The following LZTFL1 variants were observed in gnomAD, a reference collection of about 807,000 sequenced individuals.
LZTFL1 encodes the protein leucine zipper transcription factor-like protein 1.
Under a neutral mutation model 45.9 loss-of-function variants are expected in LZTFL1, and 25 were observed. The observed-to-expected ratio is 0.54, with a 90% confidence interval of 0.40 to 0.76. LZTFL1 has a LOEUF of 0.76. Among genes scored for constraint, LZTFL1 ranks in the 30% least tolerant of loss-of-function variants. The probability of loss-of-function intolerance (pLI) is 0.00; values close to 1 mark genes in which losing one functional copy is unlikely to be tolerated. For synonymous variants in LZTFL1, 93 were observed against 117.4 expected, an observed-to-expected ratio of 0.79 and a Z score of 1.35; for missense variants, 277 against 331.1, an observed-to-expected ratio of 0.84 and a Z score of 1.27.
intron 2 of LZTFL1, among the ~76,000 whole-genome samples, chr3:45,886,833 C>T (rs542889492): frequency 6.6e-6 from 1 of 152,278 alleles, no homozygotes; most frequent in East Asian, 1.9e-4. Flanking sequence ...ATGCCCAACC[C>T]AGGTTTCTTG....
intron 2 of LZTFL1, among the ~76,000 whole-genome samples, chr3:45,899,167 AAAAC>A (rs1297600634): frequency 6.6e-6 from 1 of 152,254 alleles, no homozygotes; most frequent in Non-Finnish European, 1.5e-5. Flanking sequence ...ACTCCGTCTC[AAAAC>A]AAACAAACAA....
At chr3:45,832,888 G>T (rs1010809780) in intron 5 of LZTFL1, 162 bp downstream of exon 5, 16 of 580,784 alleles carry the variant, frequency 2.8e-5, no homozygotes, top group Non-Finnish European at 4.6e-5. Context: ...AGAAGGTTAA[G>T]TATGCCCTCT....
intron 9 of LZTFL1, 39 bp downstream of exon 9, chr3:45,827,317 C>G (rs559190462): frequency 5.7e-6 from 8 of 1,412,456 alleles, no homozygotes; most frequent in South Asian, 1.2e-5. Context: ...AACATCAATC[C>G]AGAGAGAGAA....
chr3:45,872,331 A>C (rs1490628093), intron 2 of LZTFL1, among the ~76,000 whole-genome samples: 2 of 152,076 alleles, frequency 1.3e-5, no homozygotes, highest in Non-Finnish European at 2.9e-5. Flanking sequence ...ACACCCATTT[A>C]AGCTTTTGTT....
chr3:45,905,987 A>C (rs1337960190), intron 2 of LZTFL1, among the ~76,000 whole-genome samples: 1 of 152,182 alleles, frequency 6.6e-6, no homozygotes, highest in Non-Finnish European at 1.5e-5. Context: ...CTCTCTGCCC[A>C]ATCATGCTTC....
intron 2 of LZTFL1, among the ~76,000 whole-genome samples, chr3:45,888,212 T>C (rs1340310603): frequency 6.6e-6 from 1 of 152,220 alleles, no homozygotes; most frequent in Non-Finnish European, 1.5e-5. Context: ...CCCCATGCTT[T>C]CTGACTTTCA....
intron 1 of LZTFL1, among the ~76,000 whole-genome samples, chr3:45,839,380 G>A (rs962005121): frequency 6.6e-6 from 1 of 152,082 alleles, no homozygotes; most frequent in South Asian, 2.1e-4. Flanking sequence ...GAGCCACCAC[G>A]CCCGGCCCAG....
intron 7 of LZTFL1, among the ~76,000 whole-genome samples, chr3:45,829,888 T>C (rs1432065431): frequency 6.6e-6 from 1 of 152,222 alleles, no homozygotes; most frequent in Non-Finnish European, 1.5e-5. Flanking sequence ...CTATTGTCAT[T>C]GGCATATAAT....
chr3:45,905,585 T>C (rs1047000702), intron 2 of LZTFL1, among the ~76,000 whole-genome samples: 2 of 152,222 alleles, frequency 1.3e-5, no homozygotes, highest in Non-Finnish European at 2.9e-5. Context: ...GCACAGGCCC[T>C]CTGGTTGCCA....
At chr3:45,871,371 C>A (rs1180481707) in intron 2 of LZTFL1, among the ~76,000 whole-genome samples, 1 of 152,214 alleles carries the variant, frequency 6.6e-6, no homozygotes, top group African/African-American at 2.4e-5. Flanking sequence ...ATATTAAACT[C>A]ATAATCATTT....
intron 2 of LZTFL1, chr3:45,897,441 G>A: frequency 1.4e-6 from 1 of 715,188 alleles, no homozygotes; most frequent in East Asian, 2.7e-5. Context: ...AGGACACAAT[G>A]TCCTTGTCTG....
At chr3:45,875,308 G>C (rs1010732908) in intron 2 of LZTFL1, among the ~76,000 whole-genome samples, 5 of 152,242 alleles carry the variant, frequency 3.3e-5, no homozygotes, top group Non-Finnish European at 5.9e-5. Context: ...AATCAGTTTT[G>C]AGTAAATGAA....
Position 45,825,753 on chromosome 3 carries a change from C to T in LZTFL1, c.*561G>A, listed in dbSNP as rs549108417. 6.6e-6 allele frequency: 1 copy of T among 152,262 alleles called. No individual in the cohort carries two copies. The highest frequency in any genetic ancestry group is 2.1e-4 in the South Asian group (1 of 4,830). The allele number at this position is 152,262 out of a possible 1,614,324, so 9.4% of individuals were successfully genotyped here. On this transcript the variant is annotated 3_prime_UTR_variant, in exon 10 of 10. Transcript: ENST00000296135. The stretch of plus-strand genomic sequence containing the variant: ...TTCATGTTCACTGCTGTAAATTTTC[C>T]TTATAATTGGTAAAAAGGCTACCCA...
chr3:45,883,936 G>C, intron 2 of LZTFL1: 1 of 413,346 alleles, frequency 2.4e-6, no homozygotes, highest in Non-Finnish European at 4.6e-6. Flanking sequence ...ATGCAGCCTT[G>C]GAACCAGAAA....
chr3:45,832,198 G>A (rs1381063417), intron 5 of LZTFL1, among the ~76,000 whole-genome samples: 3 of 152,082 alleles, frequency 2.0e-5, no homozygotes, highest in Non-Finnish European at 2.9e-5. Flanking sequence ...TCCAGCCTGG[G>A]CGACAGAGCA....
Position 45,823,430 on chromosome 3 carries a change from T to G in LZTFL1, c.*2884A>C, listed in dbSNP as rs1427194335. ...TGTAAGAGATTGAGTACTGTTCACA[T>G]CAATTCATGTTTTACAATAGGCAAT... On this transcript the variant is annotated 3_prime_UTR_variant, in exon 10 of 10. Transcript: ENST00000296135. 6.6e-6 allele frequency: 1 copy of G among 152,170 alleles called. No individual in the cohort carries two copies. The highest frequency in any genetic ancestry group is 1.5e-5 in the Non-Finnish European group (1 of 68,046). 9.4% of individuals were successfully genotyped at this position (152,170 alleles called of 1,614,324 possible).
chr3:45,889,047 G>A (rs1261595655), intron 2 of LZTFL1, among the ~76,000 whole-genome samples: 4 of 152,204 alleles, frequency 2.6e-5, no homozygotes, highest in African/African-American at 9.7e-5. Context: ...GTGCAGCAGT[G>A]CAATGTTAGC....
intron 4 of LZTFL1, among the ~76,000 whole-genome samples, chr3:45,847,401 A>G (rs1169808248): frequency 6.6e-6 from 1 of 152,122 alleles, no homozygotes. Flanking sequence ...AATCCTTTCC[A>G]TAAAGAACCA....
chr3:45,896,203 G>A (rs1447705208), intron 2 of LZTFL1, among the ~76,000 whole-genome samples: 1 of 152,240 alleles, frequency 6.6e-6, no homozygotes, highest in African/African-American at 2.4e-5. Context: ...TGTGGAAACA[G>A]AAGTAGATGA....
Sources: allele counts gnomAD v4.1 joint callset (sites outside exome capture counted in the v4.1 genomes callset), GRCh38; gene constraint gnomAD v4.1.1; transcripts MANE v1.5; gene names NCBI Gene and HGNC (gene_info 2026-07-23, HGNC 2026-07-21).